DNAH3: variants seen among roughly 807,000 people sequenced by gnomAD.
DNAH3 encodes axonemal beta dynein heavy chain 3.
Under a neutral mutation model 432.5 loss-of-function variants are expected in DNAH3, and 332 were observed. That is an observed-to-expected ratio of 0.77 (90% CI 0.70 to 0.84). The LOEUF (loss-of-function observed/expected upper bound fraction) is 0.84. DNAH3 is among the 40% of genes least tolerant of loss of function. The pLI is 0.00. For synonymous variants in DNAH3, 1,956 were observed against 1,900.2 expected (o/e 1.03, Z -0.76); for missense variants, 4,861 against 5,114.0 (o/e 0.95, Z 1.51).
chr16:21,135,991 G>A (rs561842830), intron 6 of DNAH3, among the ~76,000 whole-genome samples: 209 of 152,236 alleles, frequency 1.4e-3, no homozygotes, highest in African/African-American at 4.9e-3. Flanking sequence ...GGATGCACGT[G>A]AATATGTGAA....
In DNAH3 at chr16:21,106,177, T is replaced by A. The variant is rs7204816; in HGVS notation, c.2284+313A>T. Among the ~76,000 whole-genome samples the A allele has an allele frequency of 7.9e-4, 77 of 97,530 alleles. 1 individual carries two copies. The highest frequency in any genetic ancestry group is 0.013 in the Middle Eastern group (2 of 156). The allele number at this position is 97,530 out of a possible 152,430, so 64.0% of individuals were successfully genotyped here. A position where few individuals can be genotyped will look rare whatever the true frequency, so the allele number is the denominator to read the frequency against. On this transcript the variant is annotated intron_variant, in intron 15 of 61. Coordinates refer to ENST00000261383, the Ensembl canonical transcript of DNAH3. ...CCTGATGACAGAGCGAGACTCCATC[T>A]AAAAAAAAAAAAAAAAAAAAAAGAA...
intron 52 of DNAH3, among the ~76,000 whole-genome samples, chr16:20,969,452 C>T (rs989908968): frequency 6.6e-6 from 1 of 152,168 alleles, no homozygotes; most frequent in African/African-American, 2.4e-5. Flanking sequence ...CTCTGTAGCT[C>T]TCCTGGTCAC....
intron 6 of DNAH3, among the ~76,000 whole-genome samples, chr16:21,135,656 C>T (rs2092631756): frequency 6.6e-6 from 1 of 151,972 alleles, no homozygotes; most frequent in South Asian, 2.1e-4. Context: ...CCTGACCAAC[C>T]TCTGCAGTTG....
At chr16:21,091,040 C>T (rs1219787102) in intron 18 of DNAH3, among the ~76,000 whole-genome samples, 1 of 151,968 alleles carries the variant, frequency 6.6e-6, no homozygotes, top group Non-Finnish European at 1.5e-5. Context: ...GTAGTCCCAG[C>T]TACTCAGGAG....
At chr16:21,112,011 G>A (rs572274823) in exon 13 of DNAH3, 7 of 1,613,198 alleles carry the variant, frequency 4.3e-6, no homozygotes, top group South Asian at 1.1e-5. Context: ...AATCATCAAT[G>A]TCATGATTTT....
intron 44 of DNAH3, among the ~76,000 whole-genome samples, chr16:20,989,836 G>A (rs1388011498): frequency 6.6e-6 from 1 of 152,196 alleles, no homozygotes; most frequent in Admixed American, 6.5e-5. Context: ...GCACCGGTGG[G>A]CTGGCACTGC....
At chr16:21,010,963 C>T (rs1310581302) in intron 41 of DNAH3, among the ~76,000 whole-genome samples, 2 of 149,860 alleles carry the variant, frequency 1.3e-5, no homozygotes, top group African/African-American at 4.9e-5. Flanking sequence ...AGGATATACA[C>T]AAAAGAAGTC....
chr16:21,003,109 C>T, exon 42 of DNAH3: 2 of 1,602,408 alleles, frequency 1.2e-6, no homozygotes, highest in Non-Finnish European at 1.7e-6. Context: ...TATACCTTTG[C>T]ACCAGCTGGA....
chr16:20,985,014 A>G, intron 48 of DNAH3, 35 bp downstream of exon 48: 1 of 1,540,792 alleles, frequency 6.5e-7, no homozygotes, highest in Non-Finnish European at 8.8e-7. Flanking sequence ...AAACACCCAG[A>G]AGAACAAGGG....
Position 21,127,809 on chromosome 16 carries a change from G to A in DNAH3, c.1086C>T (p.Phe362=), listed in dbSNP as rs143748600. The A allele has an allele frequency of 3.7e-6, 6 of 1,613,866 alleles. No homozygotes were observed. The African/African-American group carries it at 8.0e-5, about 22-fold the overall frequency. ...CTGTTCGAACAAACCTGAGGTCTCT[G>A]AATCTGCCAAAAGAGAGGGAGAAAT... Residue 362 remains phenylalanine, a synonymous_variant, in exon 8 of 62, where the codon TTC becomes TTT. Coordinates refer to ENST00000261383, the Ensembl canonical transcript of DNAH3.
rs187325326 is a variant in DNAH3 at position 21,014,685 on chromosome 16, A to G, written c.6022+4939T>C. ...TGTCAGTGGCATAATTATGTAAAAAATCCCAAAGAATCCACAAAAAGACTC... is the reference window on the plus strand; with the variant it reads ...TGTCAGTGGCATAATTATGTAAAAAGTCCCAAAGAATCCACAAAAAGACTC... On this transcript the variant is annotated intron_variant, in intron 41 of 61. Coordinates refer to ENST00000261383, the Ensembl canonical transcript of DNAH3. 5.1e-3 allele frequency among the ~76,000 whole-genome samples: 779 copies of G among 152,194 alleles called. 4 individuals carry two copies. The highest frequency in any genetic ancestry group is 0.014 in the Middle Eastern group (4 of 292).
chr16:21,131,369 A>AGAGG (rs2092553314), intron 7 of DNAH3, among the ~76,000 whole-genome samples: 1 of 151,022 alleles, frequency 6.6e-6, no homozygotes, highest in African/African-American at 2.4e-5. Flanking sequence ...ACAGGGTCAC[A>AGAGG]GAGGAAGGAA....
At chr16:21,103,541 C>T (rs975943374) in intron 16 of DNAH3, among the ~76,000 whole-genome samples, 1 of 152,144 alleles carries the variant, frequency 6.6e-6, no homozygotes, top group Admixed American at 6.5e-5. Flanking sequence ...CAGGAAAATA[C>T]ACACACACTC....
intron 44 of DNAH3, among the ~76,000 whole-genome samples, chr16:20,994,017 C>T (rs925544432): frequency 6.6e-6 from 1 of 152,050 alleles, no homozygotes; most frequent in Non-Finnish European, 1.5e-5. Context: ...ATTATTTCTT[C>T]TATTTCTTTA....
intron 52 of DNAH3, among the ~76,000 whole-genome samples, chr16:20,969,066 C>T (rs2085195759): frequency 6.7e-6 from 1 of 150,306 alleles, no homozygotes; most frequent in Admixed American, 6.7e-5. Flanking sequence ...CAAGTCTCTC[C>T]CCATCTGCTT....
intron 11 of DNAH3, among the ~76,000 whole-genome samples, chr16:21,117,587 C>T (rs2092236009): frequency 6.6e-6 from 1 of 152,140 alleles, no homozygotes. Flanking sequence ...TGAGAGTCCC[C>T]CTTGTCCTGC....
intron 18 of DNAH3, among the ~76,000 whole-genome samples, chr16:21,090,248 T>C (rs1030108326): frequency 7.9e-5 from 12 of 151,444 alleles, no homozygotes; most frequent in African/African-American, 2.9e-4. Flanking sequence ...CTGCCAAACA[T>C]TAGAAGAAGA....
chr16:21,068,331 G>GGGGGT (rs1555546081), intron 23 of DNAH3, among the ~76,000 whole-genome samples: 4 of 132,928 alleles, frequency 3.0e-5, no homozygotes, highest in Admixed American at 1.6e-4. Flanking sequence ...TGGGTGGGGG[G>GGGGGT]GGGGACAGAG....
chr16:21,110,056 C>T (rs550892506), intron 14 of DNAH3, among the ~76,000 whole-genome samples: 1 of 152,226 alleles, frequency 6.6e-6, no homozygotes, highest in Admixed American at 6.5e-5. Flanking sequence ...TGGCACCTGG[C>T]CACTAAATCA....
Sources: allele counts gnomAD v4.1 joint callset (sites outside exome capture counted in the v4.1 genomes callset), GRCh38; gene constraint gnomAD v4.1.1; transcripts MANE v1.5; gene names NCBI Gene and HGNC (gene_info 2026-07-23, HGNC 2026-07-21).